Variants in CSNK1G1 observed in about 807,000 individuals in gnomAD.
CSNK1G1 encodes casein kinase 1 gamma 1.
CSNK1G1 carries 22 observed loss-of-function variants against 59.6 expected under a neutral mutation model. That is an observed-to-expected ratio of 0.37 (90% CI 0.26 to 0.53). The LOEUF is 0.53. Among genes scored for constraint, CSNK1G1 ranks in the 20% least tolerant of loss-of-function variants. The pLI, the probability that CSNK1G1 is intolerant of heterozygous loss-of-function variation, is 0.89. For synonymous variants in CSNK1G1, 179 were observed against 177.1 expected, an observed-to-expected ratio of 1.01 and a Z score of -0.08; for missense variants, 384 against 519.5, an observed-to-expected ratio of 0.74 and a Z score of 2.54.
intron 10 of CSNK1G1, among the ~76,000 whole-genome samples, chr15:64,192,404 T>C (rs570966815): frequency 2.0e-4 from 30 of 152,304 alleles, no homozygotes; most frequent in African/African-American, 6.7e-4. Context: ...TACTATGTAG[T>C]AGGTAAATCT....
chr15:64,204,143 A>C (rs2082146367), intron 9 of CSNK1G1, among the ~76,000 whole-genome samples: 1 of 151,568 alleles, frequency 6.6e-6, no homozygotes, highest in Non-Finnish European at 1.5e-5. Flanking sequence ...ACAAACAAAC[A>C]AACTTCTGAA....
chr15:64,258,945 G>A (rs1202345752), intron 3 of CSNK1G1, among the ~76,000 whole-genome samples: 2 of 151,842 alleles, frequency 1.3e-5, no homozygotes, highest in Non-Finnish European at 2.9e-5. Context: ...AGTTCTTCCA[G>A]CTTTTTTTAA....
chr15:64,322,664 T>G (rs542068179), intron 1 of CSNK1G1, among the ~76,000 whole-genome samples: 54 of 152,006 alleles, frequency 3.6e-4, no homozygotes, highest in African/African-American at 1.3e-3. Flanking sequence ...AAAAAATAAA[T>G]TAATTAAACA....
intron 10 of CSNK1G1, among the ~76,000 whole-genome samples, chr15:64,193,395 A>G (rs185827753): frequency 7.3e-5 from 11 of 151,102 alleles, no homozygotes; most frequent in African/African-American, 2.7e-4. Flanking sequence ...CGGGAGGCTG[A>G]GGCAGGAGAA....
At chr15:64,173,586 G>A (rs1046718980) in intron 11 of CSNK1G1, among the ~76,000 whole-genome samples, 2 of 150,440 alleles carry the variant, frequency 1.3e-5, no homozygotes, top group Non-Finnish European at 3.0e-5. Flanking sequence ...AAGAACAAAT[G>A]GTGTTTTTTG....
intron 1 of CSNK1G1, among the ~76,000 whole-genome samples, chr15:64,348,591 C>T (rs951916159): frequency 1.1e-4 from 17 of 152,176 alleles, no homozygotes; most frequent in Admixed American, 6.5e-5. Flanking sequence ...AGATTTTAAT[C>T]CTCTTGCCTT....
intron 1 of CSNK1G1, among the ~76,000 whole-genome samples, chr15:64,308,757 C>T (rs1895828744): frequency 6.6e-6 from 1 of 151,944 alleles, no homozygotes; most frequent in Non-Finnish European, 1.5e-5. Context: ...ATTAGCCGGT[C>T]GTGGTGACAG....
At chr15:64,239,116 C>T (rs181321304) in intron 4 of CSNK1G1, among the ~76,000 whole-genome samples, 5 of 152,270 alleles carry the variant, frequency 3.3e-5, no homozygotes, top group Admixed American at 2.0e-4. Context: ...TCTTCCCAAC[C>T]GGCACACTAA....
intron 2 of CSNK1G1, among the ~76,000 whole-genome samples, chr15:64,285,608 C>G (rs2140374807): frequency 6.6e-6 from 1 of 152,212 alleles, no homozygotes; most frequent in South Asian, 2.1e-4. Context: ...TTTCACAGTA[C>G]AAACAAACAT....
chr15:64,193,978 T>G (rs963059605), intron 10 of CSNK1G1: 10 of 152,464 alleles, frequency 6.6e-5, no homozygotes, highest in African/African-American at 2.4e-4. Context: ...AATACAGAAT[T>G]AAGAGAAGAG....
intron 4 of CSNK1G1, among the ~76,000 whole-genome samples, chr15:64,231,670 T>C (rs907924027): frequency 3.3e-5 from 5 of 152,030 alleles, no homozygotes; most frequent in Non-Finnish European, 5.9e-5. Context: ...AAATAAATCA[T>C]AGTCGTTTTT....
rs993797265 is a variant in CSNK1G1 at position 64,216,049 on chromosome 15, G to A, written c.444+513C>T. On this transcript the variant is annotated intron_variant, in intron 5 of 11. Coordinates refer to ENST00000303052, the MANE Select transcript of CSNK1G1 (RefSeq NM_022048.5). The surrounding 1 kb of genome is among the most constrained non-coding windows in gnomAD (Gnocchi z 4.6). ...TTAGACAAGCCTGGGCAACATAGTG[G>A]GAGTCTGTCTCCAAAACACTTTTTT... Among the ~76,000 whole-genome samples the A allele has an allele frequency of 7.2e-5, 11 of 151,962 alleles. No individual in the cohort carries two copies. The highest frequency in any genetic ancestry group is 2.0e-4 in the Admixed American group (3 of 15,244).
chr15:64,228,788 G>A (rs1412050258), intron 4 of CSNK1G1, among the ~76,000 whole-genome samples: 1 of 152,192 alleles, frequency 6.6e-6, no homozygotes. Flanking sequence ...GGCCAAGGCA[G>A]GTGGATTGCT....
intron 2 of CSNK1G1, among the ~76,000 whole-genome samples, chr15:64,268,016 G>C (rs1893076432): frequency 6.6e-6 from 1 of 152,014 alleles, no homozygotes; most frequent in South Asian, 2.1e-4. Context: ...GAGGAAACCA[G>C]TATGCCAAAA....
intron 1 of CSNK1G1, among the ~76,000 whole-genome samples, chr15:64,346,426 ATTTATTTATTTAT>A (rs1222561053): frequency 7.7e-5 from 1 of 13,052 alleles, no homozygotes; most frequent in African/African-American, 4.8e-4. Flanking sequence ...ACGAGTTTTT[ATTTATTTATTTAT>A]TTATTTATTT....
chr15:64,248,069 T>C (rs774105409), intron 4 of CSNK1G1, among the ~76,000 whole-genome samples: 1 of 152,232 alleles, frequency 6.6e-6, no homozygotes, highest in African/African-American at 2.4e-5. Context: ...ACTGTGGTCT[T>C]TGTGTGGCTT....
intron 4 of CSNK1G1, among the ~76,000 whole-genome samples, chr15:64,226,050 G>T (rs1226742980): frequency 6.6e-6 from 1 of 152,204 alleles, no homozygotes; most frequent in Non-Finnish European, 1.5e-5. Context: ...CTATGCCTTC[G>T]TCTTCCATTG....
intron 10 of CSNK1G1, among the ~76,000 whole-genome samples, chr15:64,182,290 C>A (rs891212764): frequency 1.3e-5 from 2 of 152,030 alleles, no homozygotes; most frequent in Non-Finnish European, 2.9e-5. Context: ...CCAGGCTAGT[C>A]TCGAACTCCT....
Position 64,251,590 on chromosome 15 carries a change from CA to C in CSNK1G1, c.223-10del. 1 of 1,600,930 alleles carries C rather than the reference CA, an allele frequency of 6.2e-7. No individual in the cohort carries two copies. The highest frequency in any genetic ancestry group is 8.5e-7 in the Non-Finnish European group (1 of 1,170,586). ...CGTGATTTTATTGGTTCCTGAAATC[CA>C]AAAAGAAAAACTGTGATCAGATTTA... On this transcript the variant is annotated splice_polypyrimidine_tract_variant and intron_variant, in intron 3 of 11. Transcript: ENST00000303052.
Sources: gnomAD v4.1 joint callset for allele counts (sites outside exome capture counted in the v4.1 genomes callset) on GRCh38, gnomAD v4.1.1 for gene constraint, Gnocchi (gnomAD v3.1) non-coding constraint, MANE v1.5 for transcripts, NCBI Gene and HGNC (gene_info 2026-07-23, HGNC 2026-07-21) for gene names.